The following ZCCHC14 variants were observed in gnomAD, a reference collection of about 807,000 sequenced individuals.
ZCCHC14 encodes the protein zinc finger CCHC domain-containing protein 14.
Under a neutral mutation model 85.0 loss-of-function variants are expected in ZCCHC14, and 16 were observed. The observed-to-expected ratio is 0.19, with a 90% CI of 0.13 to 0.29. ZCCHC14 has a LOEUF of 0.29. Ranked by LOEUF, ZCCHC14 falls within the 10% of genes least tolerant of loss-of-function variation. The pLI is 1.00. For synonymous variants in ZCCHC14, 775 were observed against 630.7 expected (o/e 1.23, Z -3.43); for missense variants, 1,303 against 1,443.5 (o/e 0.90, Z 1.58).
chr16:87,428,219 G>T (rs1346103565), intron 3 of ZCCHC14, among the ~76,000 whole-genome samples: 1 of 152,088 alleles, frequency 6.6e-6, no homozygotes, highest in Non-Finnish European at 1.5e-5. Flanking sequence ...GTAACCTTTT[G>T]TATCCTGGAA....
chr16:87,480,136 G>A (rs1290237629), intron 1 of ZCCHC14, among the ~76,000 whole-genome samples: 2 of 152,048 alleles, frequency 1.3e-5, no homozygotes, highest in Non-Finnish European at 1.5e-5. Context: ...AGGCGCAGTG[G>A]CTCACACCTG....
intron 1 of ZCCHC14, among the ~76,000 whole-genome samples, chr16:87,490,183 T>G (rs1391660140): frequency 3.3e-5 from 5 of 152,182 alleles, no homozygotes; most frequent in African/African-American, 1.2e-4. Context: ...CTACAACCAC[T>G]TCTTACAGGA....
At chr16:87,433,476 T>C (rs911128606) in intron 2 of ZCCHC14, among the ~76,000 whole-genome samples, 3 of 152,172 alleles carry the variant, frequency 2.0e-5, no homozygotes, top group Non-Finnish European at 2.9e-5. Flanking sequence ...CACACGTTTA[T>C]GGACCCAGTG....
chr16:87,459,080 G>A (rs1214352255), intron 2 of ZCCHC14, among the ~76,000 whole-genome samples: 3 of 152,138 alleles, frequency 2.0e-5, no homozygotes, highest in Non-Finnish European at 4.4e-5. Context: ...AGAGGCTGGC[G>A]TGCAGAGCCA....
At chr16:87,484,156 G>C (rs750668586) in intron 1 of ZCCHC14, among the ~76,000 whole-genome samples, 24 of 152,202 alleles carry the variant, frequency 1.6e-4, no homozygotes, top group Non-Finnish European at 3.4e-4. Context: ...GAACTGGATG[G>C]CTGGGAAGAG....
rs75573559 is a variant in ZCCHC14, at chr16:87,441,753, T to G, written c.695-8552A>C. 7.6e-3 allele frequency among the ~76,000 whole-genome samples: 1,162 copies of G among 152,374 alleles called. 14 individuals are homozygous for G. Among genetic ancestry groups the G allele is most frequent in the African/African-American group, 0.026 (1,101 of 41,586 alleles). On this transcript the variant is annotated intron_variant, in intron 2 of 12. Coordinates refer to ENST00000671377, the MANE Select transcript of ZCCHC14 (RefSeq NM_015144.3). ...CATTAAAAAGGCACTCTTATAAAGT[T>G]GTTACAGCTTTCCTCTTACTTTTTT...
At chr16:87,467,470 C>A in intron 1 of ZCCHC14, 1 of 1,606,626 alleles carries the variant, frequency 6.2e-7, no homozygotes, top group Non-Finnish European at 8.5e-7. Flanking sequence ...GGTGTGAGTA[C>A]CTCTGGAGGA....
chr16:87,423,756 G>A (rs1909226197), intron 4 of ZCCHC14, 54 bp downstream of exon 4: 5 of 1,589,906 alleles, frequency 3.1e-6, no homozygotes, highest in South Asian at 1.1e-5. Flanking sequence ...GGTATCATCA[G>A]CCACTGGGGA....
intron 1 of ZCCHC14, chr16:87,470,483 G>A (rs1911728903): frequency 6.6e-6 from 1 of 152,144 alleles, no homozygotes; most frequent in Admixed American, 6.5e-5. Context: ...GTAACCTGGG[G>A]CCACTGTCTG....
chr16:87,441,867 C>A (rs1910201928), intron 2 of ZCCHC14, among the ~76,000 whole-genome samples: 1 of 152,310 alleles, frequency 6.6e-6, no homozygotes, highest in Non-Finnish European at 1.5e-5. Context: ...TAAGACGGAG[C>A]AGCAACGAAA....
At chr16:87,462,014 T>A (rs1386354458) in intron 1 of ZCCHC14, among the ~76,000 whole-genome samples, 2 of 151,726 alleles carry the variant, frequency 1.3e-5, no homozygotes, top group Middle Eastern at 3.2e-3. Context: ...ATGGCTATAA[T>A]CCCAGCACTT....
intron 2 of ZCCHC14, among the ~76,000 whole-genome samples, chr16:87,449,622 GGTATCTTTATTAA>G (rs1270706402): frequency 1.3e-5 from 2 of 152,154 alleles, no homozygotes; most frequent in African/African-American, 4.8e-5. Flanking sequence ...TTGCTTTCAA[GGTATCTTTATTAA>G]GTGGTTTAAT....
At chr16:87,414,353 C>A (rs1354188347) in intron 10 of ZCCHC14, 61 bp downstream of exon 10, 2 of 1,610,692 alleles carry the variant, frequency 1.2e-6, no homozygotes, top group Non-Finnish European at 1.7e-6. Flanking sequence ...AACCCATCTG[C>A]CCGACACACG....
In ZCCHC14 at chr16:87,421,497, C is replaced by T. The variant is rs979839032; in HGVS notation, c.841-781G>A. Among the ~76,000 whole-genome samples, 58 of 152,136 alleles carry T rather than the reference C, an allele frequency of 3.8e-4. 2 individuals carry two copies. Among genetic ancestry groups the T allele is most frequent in the Non-Finnish European group, 2.5e-4 (17 of 68,026 alleles). On this transcript the variant is annotated intron_variant, in intron 4 of 12. Coordinates refer to ENST00000671377, the MANE Select transcript of ZCCHC14 (RefSeq NM_015144.3). ...GCAAGGCACTGAGGAAGTGCCACCC[C>T]GAAGCCCAGGCACACAGGCCTGCCC...
At chr16:87,430,462 G>A (rs1289817895) in intron 3 of ZCCHC14, among the ~76,000 whole-genome samples, 2 of 151,356 alleles carry the variant, frequency 1.3e-5, no homozygotes, top group East Asian at 1.9e-4. Flanking sequence ...CTTCCAATTC[G>A]TTTCTTCTTT....
At position 87,412,410 on chromosome 16, in the gene ZCCHC14, G is replaced by A. The variant is rs538444823; in HGVS notation, c.2311C>T (p.Arg771Cys). 5.6e-6 allele frequency: 9 copies of A among 1,614,164 alleles called. No homozygotes were observed. Among genetic ancestry groups the A allele is most frequent in the Admixed American group, 1.7e-5 (1 of 60,032 alleles). Residue 771 changes from arginine to cysteine, a missense_variant, in exon 12 of 13, where the codon CGT becomes TGT. Arg to Cys is a radical substitution (Grantham distance 180). Transcript: ENST00000671377. Reference sequence around the variant, plus strand: ...GACAGCAGCAGTTTGATGGGCGGACGGGCGGCGTGGAGGACTGTGCTGGGC... The same window carrying A: ...GACAGCAGCAGTTTGATGGGCGGACAGGCGGCGTGGAGGACTGTGCTGGGC... ...GTPSTVLHAARPPIKLLLSSS... is the reference protein window; with the variant it reads ...GTPSTVLHAACPPIKLLLSSS...
chr16:87,485,247 T>C (rs758558533), intron 1 of ZCCHC14, among the ~76,000 whole-genome samples: 12 of 152,228 alleles, frequency 7.9e-5, no homozygotes, highest in Non-Finnish European at 1.6e-4. Context: ...ATTTGAAAGA[T>C]ACTCTGTCTT....
chr16:87,439,579 G>A (rs1335402272), intron 2 of ZCCHC14, among the ~76,000 whole-genome samples: 3 of 152,174 alleles, frequency 2.0e-5, no homozygotes, highest in African/African-American at 7.2e-5. Flanking sequence ...TAAATCTTGA[G>A]ATAGACACCT....
intron 10 of ZCCHC14, among the ~76,000 whole-genome samples, chr16:87,414,056 TAATGATCAAACAG>T: frequency 6.6e-6 from 1 of 152,374 alleles, no homozygotes; most frequent in East Asian, 1.9e-4. Context: ...ATTTGAAATC[TAATGATCAAACAG>T]AACACAAGGC....
Sources: gnomAD v4.1 joint callset for allele counts (sites outside exome capture counted in the v4.1 genomes callset) on GRCh38, gnomAD v4.1.1 for gene constraint, MANE v1.5 for transcripts, NCBI Gene and HGNC (gene_info 2026-07-23, HGNC 2026-07-21) for gene names.